TCF12: variants seen among roughly 807,000 people sequenced by gnomAD.
TCF12 encodes the protein DNA-binding protein HTF4.
Under a neutral mutation model 86.0 loss-of-function variants are expected in TCF12, and 45 were observed. The ratio of observed to expected loss-of-function variants is 0.52; its 90% confidence interval spans 0.41 to 0.67. The LOEUF (loss-of-function observed/expected upper bound fraction) is 0.67, where lower values mean the gene tolerates loss of function less well. Among genes scored for constraint, TCF12 ranks in the 30% least tolerant of loss-of-function variants. TCF12 has a pLI of 0.00. For synonymous variants in TCF12, 330 were observed against 299.6 expected (o/e 1.10, Z -1.05); for missense variants, 881 against 859.9 (o/e 1.02, Z -0.31).
At chr15:57,219,197 A>T in intron 8 of TCF12, 1 of 1,091,160 alleles carries the variant, frequency 9.2e-7, no homozygotes, top group Non-Finnish European at 1.1e-6. Context: ...GACAAATCTA[A>T]TAATTTCTTG....
At chr15:57,109,286 C>T (rs1289270979) in intron 5 of TCF12, 6 of 152,032 alleles carry the variant, frequency 3.9e-5, no homozygotes, top group Admixed American at 3.9e-4. Context: ...CTGGGGAACG[C>T]TAAAAGGGCT....
At chr15:57,185,786 G>T (rs1220072680) in intron 6 of TCF12, among the ~76,000 whole-genome samples, 1 of 152,146 alleles carries the variant, frequency 6.6e-6, no homozygotes, top group Non-Finnish European at 1.5e-5. Flanking sequence ...GGAGACTGAG[G>T]TAGGAAGATC....
chr15:57,166,115 C>T (rs2054873818), intron 5 of TCF12, among the ~76,000 whole-genome samples: 1 of 151,846 alleles, frequency 6.6e-6, no homozygotes, highest in Non-Finnish European at 1.5e-5. Context: ...AGAGAGGCTT[C>T]ACTATTGCCC....
intron 6 of TCF12, among the ~76,000 whole-genome samples, chr15:57,167,049 C>CA (rs1764042822): frequency 6.6e-6 from 1 of 152,034 alleles, no homozygotes. Flanking sequence ...AGAATCAAGC[C>CA]AAAAAGAATA....
At chr15:57,035,386 C>G (rs1404514541) in intron 3 of TCF12, among the ~76,000 whole-genome samples, 3 of 152,158 alleles carry the variant, frequency 2.0e-5, no homozygotes, top group Non-Finnish European at 4.4e-5. Flanking sequence ...GCATCAGCCT[C>G]TCAAGAAGCT....
intron 8 of TCF12, chr15:57,219,651 A>C: frequency 6.7e-7 from 1 of 1,491,408 alleles, no homozygotes; most frequent in Non-Finnish European, 9.2e-7. Flanking sequence ...AGTATACATT[A>C]CTCGCTTTTT....
In TCF12 at chr15:57,170,672, TATA is replaced by T. The variant is rs1567557798; in HGVS notation, c.390+4210_390+4212del. 3.6e-3 allele frequency among the ~76,000 whole-genome samples: 31 copies of T among 8,566 alleles called. 2 individuals carry two copies. The highest frequency in any genetic ancestry group is 0.016 in the East Asian group (3 of 190). The allele number at this position is 8,566 out of a possible 152,430, so 5.6% of individuals were successfully genotyped here. Reference sequence around the variant, plus strand: ...ATATATTATATAAAATATATATATATATAATATATTATATATAATATATATTAT... The same window carrying T: ...ATATATTATATAAAATATATATATATATATATTATATATAATATATATTAT... On this transcript the variant is annotated intron_variant, in intron 6 of 20. Coordinates refer to ENST00000333725, the MANE Select transcript of TCF12 (RefSeq NM_207037.2).
At chr15:57,098,887 T>C (rs1382356487) in intron 5 of TCF12, among the ~76,000 whole-genome samples, 1 of 152,182 alleles carries the variant, frequency 6.6e-6, no homozygotes, top group East Asian at 1.9e-4. Context: ...TGCAAATGTT[T>C]CGTTGAAAGA....
At chr15:57,264,518 A>G (rs779648556) in intron 18 of TCF12, among the ~76,000 whole-genome samples, 12 of 151,586 alleles carry the variant, frequency 7.9e-5, no homozygotes, top group Middle Eastern at 3.4e-3. Flanking sequence ...GCTTTTTCCT[A>G]TTTTTAAAAT....
chr15:57,000,639 A>G (rs1428145668), intron 3 of TCF12, among the ~76,000 whole-genome samples: 1 of 152,180 alleles, frequency 6.6e-6, no homozygotes, highest in African/African-American at 2.4e-5. Flanking sequence ...ATTAAAGCAG[A>G]AATCAATGAA....
At chr15:57,013,614 T>G (rs1419907812) in intron 3 of TCF12, among the ~76,000 whole-genome samples, 1 of 152,142 alleles carries the variant, frequency 6.6e-6, no homozygotes, top group Non-Finnish European at 1.5e-5. Context: ...AGCCACTGCC[T>G]CTGGCCCAGT....
At chr15:57,197,684 C>A in intron 7 of TCF12, 89 bp from the exon 8 acceptor site, 2 of 1,458,414 alleles carry the variant, frequency 1.4e-6, no homozygotes, top group Non-Finnish European at 1.9e-6. Flanking sequence ...ACAAGAAAGA[C>A]GCTAGGGGAA....
At chr15:57,190,068 G>T (rs1261528867) in intron 6 of TCF12, among the ~76,000 whole-genome samples, 1 of 152,162 alleles carries the variant, frequency 6.6e-6, no homozygotes, top group Non-Finnish European at 1.5e-5. Context: ...GGTTGCCATG[G>T]GCTAGGGGAG....
intron 3 of TCF12, among the ~76,000 whole-genome samples, chr15:57,053,262 CCTT>C (rs1264269092): frequency 6.6e-6 from 1 of 152,080 alleles, no homozygotes; most frequent in Admixed American, 6.6e-5. Flanking sequence ...CATTTGTATG[CCTT>C]CTTTGGAGAA....
chr15:57,248,421 G>A (rs1409003708), intron 13 of TCF12, among the ~76,000 whole-genome samples: 1 of 152,214 alleles, frequency 6.6e-6, no homozygotes, highest in Non-Finnish European at 1.5e-5. Flanking sequence ...AGCATTTGCA[G>A]TAAGAGAATA....
chr15:56,983,295 C>T (rs2062986063), intron 3 of TCF12, among the ~76,000 whole-genome samples: 2 of 152,160 alleles, frequency 1.3e-5, no homozygotes, highest in South Asian at 2.1e-4. Flanking sequence ...AAGACATGAG[C>T]CTTATTGTGG....
chr15:57,072,251 T>C (rs1055170348), intron 4 of TCF12, among the ~76,000 whole-genome samples: 5 of 152,174 alleles, frequency 3.3e-5, no homozygotes, highest in African/African-American at 9.6e-5. Context: ...GGGAAAGATA[T>C]AAAATCATGT....
At chr15:57,080,486 T>A (rs1444861287) in intron 4 of TCF12, among the ~76,000 whole-genome samples, 1 of 152,214 alleles carries the variant, frequency 6.6e-6, no homozygotes, top group African/African-American at 2.4e-5. Flanking sequence ...AGGAAGGGGA[T>A]AATAGGTCTG....
intron 18 of TCF12, among the ~76,000 whole-genome samples, chr15:57,270,292 A>G (rs1347095945): frequency 6.6e-6 from 1 of 152,070 alleles, no homozygotes; most frequent in Non-Finnish European, 1.5e-5. Flanking sequence ...GTCTTCTCGC[A>G]TTATTTCATT....
Sources: gnomAD v4.1 joint callset for allele counts (sites outside exome capture counted in the v4.1 genomes callset) on GRCh38, gnomAD v4.1.1 for gene constraint, MANE v1.5 for transcripts, NCBI Gene and HGNC (gene_info 2026-07-23, HGNC 2026-07-21) for gene names.